Variants in GRM7 observed in about 807,000 individuals in gnomAD.
GRM7 encodes metabotropic glutamate receptor 7.
A neutral mutation model predicts 84.5 loss-of-function variants in GRM7; 35 were observed. The observed-to-expected ratio is 0.41, with a 90% CI of 0.32 to 0.55. GRM7 has a LOEUF of 0.55. GRM7 is among the 20% of genes least tolerant of loss of function. The pLI, the probability that GRM7 is intolerant of heterozygous loss-of-function variation, is 0.19. For missense variants in GRM7, 1,003 were observed against 1,194.6 expected (o/e 0.84, Z 2.36); for synonymous variants, 487 against 455.1 (o/e 1.07, Z -0.89).
rs370384375 is a variant in GRM7 at position 7,619,453 on chromosome 3, C to T, written c.2451+40096C>T. ...TGGCATAGAAGGATCTGCCTCATCTCGGGGGATTAAGCAAAGGCCCAAACC... is the reference window on the plus strand; with the variant it reads ...TGGCATAGAAGGATCTGCCTCATCTTGGGGGATTAAGCAAAGGCCCAAACC... On this transcript the variant is annotated intron_variant, in intron 8 of 9. Transcript: ENST00000357716. Among the ~76,000 whole-genome samples the T allele has an allele frequency of 1.3e-4, 20 of 151,712 alleles. No homozygotes were observed. The East Asian group carries it at 2.7e-3, about 21-fold the overall frequency.
chr3:6,892,870 C>G (rs554726627), intron 1 of GRM7: 2 of 152,032 alleles, frequency 1.3e-5, no homozygotes, highest in South Asian at 4.1e-4. Context: ...TGGGACAAAA[C>G]GATGCGAAAC....
At chr3:7,440,347 A>G (rs754602782) in intron 5 of GRM7, among the ~76,000 whole-genome samples, 1 of 152,146 alleles carries the variant, frequency 6.6e-6, no homozygotes, top group Non-Finnish European at 1.5e-5. Flanking sequence ...AAGTAACGCA[A>G]CATTTCTTAC....
chr3:7,384,663 A>G (rs1694715463), intron 4 of GRM7, among the ~76,000 whole-genome samples: 4 of 152,158 alleles, frequency 2.6e-5, no homozygotes, highest in Admixed American at 2.6e-4. Context: ...GATGTCTTCT[A>G]CATTTAGAGC....
chr3:6,920,209 A>C (rs1265479287), intron 1 of GRM7, among the ~76,000 whole-genome samples: 1 of 152,156 alleles, frequency 6.6e-6, no homozygotes, highest in Non-Finnish European at 1.5e-5. Flanking sequence ...GCTAAGCTTT[A>C]ATTAGTGACA....
intron 4 of GRM7, among the ~76,000 whole-genome samples, chr3:7,313,082 C>T (rs112505455): frequency 0.092 from 14,043 of 151,980 alleles, 889 homozygotes; most frequent in Non-Finnish European, 0.15. Context: ...GCGCCTGCCA[C>T]CACGCCCAAC....
chr3:7,177,067 G>C lies in GRM7; in HGVS notation c.736+30399G>C, dbSNP rs140804886. Among the ~76,000 whole-genome samples, 87 of 152,130 alleles carry C rather than the reference G, an allele frequency of 5.7e-4. 2 individuals are homozygous for C. The East Asian group carries it at 0.013, about 23-fold the overall frequency. On this transcript the variant is annotated intron_variant, in intron 2 of 9. Coordinates refer to ENST00000357716, the MANE Select transcript of GRM7 (RefSeq NM_000844.4). ...CAAATTTTTCTGAATCCTTATCTTTGCTCATTTTGTTCCCATTCTCTATCA... is the reference window on the plus strand; with the variant it reads ...CAAATTTTTCTGAATCCTTATCTTTCCTCATTTTGTTCCCATTCTCTATCA...
intron 4 of GRM7, among the ~76,000 whole-genome samples, chr3:7,339,256 T>C (rs1284560877): frequency 1.3e-5 from 2 of 152,090 alleles, no homozygotes; most frequent in Non-Finnish European, 2.9e-5. Context: ...TGCAAGAGAT[T>C]GGAAAGCAAT....
At chr3:7,448,232 C>T (rs1040276004) in intron 5 of GRM7, among the ~76,000 whole-genome samples, 1 of 151,370 alleles carries the variant, frequency 6.6e-6, no homozygotes, top group Admixed American at 6.6e-5. Flanking sequence ...GTCTTTATAG[C>T]AGCATGATTT....
chr3:7,717,531 A>G (rs1374441135), intron 9 of GRM7, among the ~76,000 whole-genome samples: 2 of 152,222 alleles, frequency 1.3e-5, no homozygotes, highest in Non-Finnish European at 2.9e-5. Context: ...TACTATTTTG[A>G]AAGCAGAAAT....
rs115071398 is a variant in GRM7, at chr3:6,956,567, G to A, written c.519+94660G>A. On this transcript the variant is annotated intron_variant, in intron 1 of 9. Transcript: ENST00000357716. ...CACACTCTCTCTTCTGTTCTCCTAG[G>A]GAGATGCCCTTCTATCCTGTCTCAG... is the stretch of plus-strand genomic sequence containing the variant. 3.7e-3 allele frequency: 1,669 copies of A among 456,538 alleles called. 30 individuals are homozygous for A. Among genetic ancestry groups the A allele is most frequent in the African/African-American group, 0.03 (1,506 of 50,114 alleles). 28.3% of individuals were successfully genotyped at this position (456,538 alleles called of 1,614,324 possible). A position where few individuals can be genotyped will look rare whatever the true frequency, so the allele number is the denominator to read the frequency against.
chr3:6,894,291 A>G (rs745342582), intron 1 of GRM7, among the ~76,000 whole-genome samples: 13 of 152,182 alleles, frequency 8.5e-5, no homozygotes, highest in Admixed American at 6.6e-4. Flanking sequence ...TCTCCAAAGT[A>G]AATTTTAGAT....
intron 4 of GRM7, among the ~76,000 whole-genome samples, chr3:7,321,704 A>G (rs1700789044): frequency 6.6e-6 from 1 of 151,668 alleles, no homozygotes; most frequent in South Asian, 2.1e-4. Context: ...AACCTCAGGG[A>G]ATTTGCTTTT....
At chr3:7,583,404 A>G (rs985091983) in intron 8 of GRM7, among the ~76,000 whole-genome samples, 2 of 152,312 alleles carry the variant, frequency 1.3e-5, no homozygotes, top group African/African-American at 4.8e-5. Flanking sequence ...TTCTCCATCC[A>G]CGCCCAAGGC....
intron 8 of GRM7, among the ~76,000 whole-genome samples, chr3:7,618,262 G>C (rs1324791381): frequency 5.3e-5 from 8 of 152,098 alleles, no homozygotes; most frequent in Non-Finnish European, 1.5e-5. Context: ...TTGTAACATG[G>C]AGAAATAATG....
intron 6 of GRM7, among the ~76,000 whole-genome samples, chr3:7,459,235 G>C (rs1365622822): frequency 1.3e-5 from 2 of 152,118 alleles, no homozygotes; most frequent in African/African-American, 4.8e-5. Flanking sequence ...ACAGGAGATC[G>C]GTGTCCACTC....
intron 1 of GRM7, among the ~76,000 whole-genome samples, chr3:6,992,779 C>T (rs947522091): frequency 6.6e-6 from 1 of 152,148 alleles, no homozygotes; most frequent in Non-Finnish European, 1.5e-5. Flanking sequence ...GAGTTACTTC[C>T]AGCTCCTTCT....
intron 1 of GRM7, among the ~76,000 whole-genome samples, chr3:6,996,776 A>C (rs1422197744): frequency 6.6e-6 from 1 of 152,170 alleles, no homozygotes; most frequent in South Asian, 2.1e-4. Context: ...TTCTTCCTGT[A>C]AACAGAAACC....
At chr3:7,583,888 A>G (rs1003122538) in intron 8 of GRM7, among the ~76,000 whole-genome samples, 2 of 152,220 alleles carry the variant, frequency 1.3e-5, no homozygotes, top group African/African-American at 4.8e-5. Flanking sequence ...ACTGTGATGC[A>G]GAGATAAAAC....
At chr3:7,220,715 AG>A (rs1376878223) in intron 2 of GRM7, among the ~76,000 whole-genome samples, 1 of 152,232 alleles carries the variant, frequency 6.6e-6, no homozygotes, top group African/African-American at 2.4e-5. Flanking sequence ...TGTTAATAGT[AG>A]GGGAGACTGG....
Sources: gnomAD v4.1 joint callset for allele counts (sites outside exome capture counted in the v4.1 genomes callset) on GRCh38, gnomAD v4.1.1 for gene constraint, MANE v1.5 for transcripts, NCBI Gene and HGNC (gene_info 2026-07-23, HGNC 2026-07-21) for gene names.